The following ALK variants were observed in gnomAD, a reference collection of about 807,000 sequenced individuals.
The protein encoded by ALK is ALK receptor tyrosine kinase.
In ALK, 74 loss-of-function variants were observed where a neutral mutation model predicts 163.1. The ratio of observed to expected loss-of-function variants is 0.45; its 90% CI spans 0.38 to 0.55. The LOEUF (loss-of-function observed/expected upper bound fraction) is 0.55, where lower values mean the gene tolerates loss of function less well. ALK is among the 20% of genes least tolerant of loss of function. The pLI, the probability that ALK is intolerant of heterozygous loss-of-function variation, is 0.00. For missense variants in ALK, 2,063 were observed against 2,105.3 expected (o/e 0.98, Z 0.39); for synonymous variants, 960 against 843.2 (o/e 1.14, Z -2.40).
chr2:29,212,991 C>A (rs1311708805), intron 24 of ALK, among the ~76,000 whole-genome samples: 2 of 152,228 alleles, frequency 1.3e-5, no homozygotes, highest in Non-Finnish European at 2.9e-5. Flanking sequence ...AGGCATGATA[C>A]TTTTCTATTT....
At chr2:29,364,979 G>C (rs1175288544) in intron 5 of ALK, among the ~76,000 whole-genome samples, 2 of 152,172 alleles carry the variant, frequency 1.3e-5, no homozygotes, top group African/African-American at 4.8e-5. Context: ...TTGTCTCACT[G>C]AGTCTAAACC....
In ALK at chr2:29,334,525, G is replaced by T. The variant is rs190813238; in HGVS notation, c.1283-6044C>A. Among the ~76,000 whole-genome samples the T allele has an allele frequency of 1.3e-3, 200 of 152,268 alleles. 1 individual carries two copies. Among genetic ancestry groups the T allele is most frequent in the African/African-American group, 4.5e-3 (187 of 41,548 alleles). On this transcript the variant is annotated intron_variant, in intron 5 of 28. Coordinates refer to ENST00000389048, the MANE Select transcript of ALK (RefSeq NM_004304.5). ...AGGAGTGGTAATGGTGGGCATGGAAGGTCAGGCTGTCAGCATCCCTGCCCT... is the reference window on the plus strand; with the variant it reads ...AGGAGTGGTAATGGTGGGCATGGAATGTCAGGCTGTCAGCATCCCTGCCCT...
At chr2:29,713,256 C>T (rs2148303797) in intron 2 of ALK, among the ~76,000 whole-genome samples, 1 of 152,308 alleles carries the variant, frequency 6.6e-6, no homozygotes, top group South Asian at 2.1e-4. Context: ...AGTATGGTCT[C>T]ATTTTTATTT....
chr2:29,648,429 T>C (rs930895026), intron 3 of ALK, among the ~76,000 whole-genome samples: 2 of 152,152 alleles, frequency 1.3e-5, no homozygotes, highest in African/African-American at 4.8e-5. Flanking sequence ...TGTGCAACCA[T>C]TACCACCACC....
intron 1 of ALK, among the ~76,000 whole-genome samples, chr2:29,828,866 G>A (rs1427259867): frequency 6.6e-6 from 1 of 152,044 alleles, no homozygotes; most frequent in East Asian, 1.9e-4. Flanking sequence ...ACATGCACAT[G>A]TATGTTTATT....
At chr2:29,824,158 C>G (rs1188469070) in intron 1 of ALK, among the ~76,000 whole-genome samples, 3 of 152,208 alleles carry the variant, frequency 2.0e-5, no homozygotes, top group Non-Finnish European at 4.4e-5. Flanking sequence ...AGTGTTGAGC[C>G]TGCAGGTACA....
At chr2:29,228,391 G>A (rs1664077746) in intron 16 of ALK, among the ~76,000 whole-genome samples, 1 of 152,204 alleles carries the variant, frequency 6.6e-6, no homozygotes, top group Non-Finnish European at 1.5e-5. Context: ...ATGGGCAGCT[G>A]CTTGCTGAAG....
intron 8 of ALK, among the ~76,000 whole-genome samples, chr2:29,316,035 C>T: frequency 6.6e-6 from 1 of 152,246 alleles, no homozygotes; most frequent in Non-Finnish European, 1.5e-5. Context: ...CCTGAGTGAA[C>T]CTCACATAGT....
chr2:29,690,546 C>A (rs1573558493), intron 3 of ALK, among the ~76,000 whole-genome samples: 1 of 152,128 alleles, frequency 6.6e-6, no homozygotes, highest in Non-Finnish European at 1.5e-5. Context: ...TCCAAAACAC[C>A]GGAAGCAGTT....
chr2:29,299,283 AC>A (rs1223278102), intron 8 of ALK, among the ~76,000 whole-genome samples: 1 of 152,178 alleles, frequency 6.6e-6, no homozygotes, highest in Non-Finnish European at 1.5e-5. Context: ...CTCATCTGTG[AC>A]TTGGGCTCAA....
chr2:29,322,456 A>G (rs1265649557), intron 6 of ALK, among the ~76,000 whole-genome samples: 1 of 152,152 alleles, frequency 6.6e-6, no homozygotes, highest in Non-Finnish European at 1.5e-5. Flanking sequence ...TTCCCCCTCA[A>G]GGGATCCCAC....
rs939750594 is a variant in ALK at position 29,193,467 on chromosome 2, A to G, written c.4620T>C (p.Thr1540=). The change falls in exon 29 of 29, where the codon ACT becomes ACC. Residue 1540 remains threonine, a synonymous_variant. Transcript: ENST00000389048. ...TCCCAGTTGCAACGTTAGGTGGGACAGTACAGCTTCCCTCCAGCCCCAGGT... is the reference window on the plus strand; with the variant it reads ...TCCCAGTTGCAACGTTAGGTGGGACGGTACAGCTTCCCTCCAGCCCCAGGT... ...RGNLGLEGSC[T]VPPNVATGRL... 9 of 1,614,076 alleles carry G rather than the reference A, an allele frequency of 5.6e-6. No individual in the cohort carries two copies. Among genetic ancestry groups the G allele is most frequent in the Non-Finnish European group, 7.6e-6 (9 of 1,180,034 alleles).
intron 4 of ALK, among the ~76,000 whole-genome samples, chr2:29,506,123 C>T (rs72794475): frequency 4.6e-5 from 7 of 152,058 alleles, no homozygotes; most frequent in African/African-American, 1.7e-4. Flanking sequence ...AGAGGCTCTA[C>T]GTAAGTCTCT....
chr2:29,228,789 A>C (rs1664090728), intron 16 of ALK, 95 bp downstream of exon 16: 1 of 822,072 alleles, frequency 1.2e-6, no homozygotes, highest in Non-Finnish European at 2.1e-6. Context: ...ACACTTGGGC[A>C]GGCCAGGGGA....
intron 12 of ALK, among the ~76,000 whole-genome samples, chr2:29,247,691 G>A (rs1212428642): frequency 6.6e-6 from 1 of 152,156 alleles, no homozygotes; most frequent in African/African-American, 2.4e-5. Context: ...AGGCAATGGT[G>A]GCCCCCCCTT....
At chr2:29,444,714 T>A (rs1285575727) in intron 4 of ALK, among the ~76,000 whole-genome samples, 1 of 152,250 alleles carries the variant, frequency 6.6e-6, no homozygotes, top group Admixed American at 6.5e-5. Context: ...AAGTTCATTT[T>A]TTTCTTCTGA....
chr2:29,558,323 C>T (rs1214552958), intron 3 of ALK, among the ~76,000 whole-genome samples: 1 of 152,184 alleles, frequency 6.6e-6, no homozygotes, highest in East Asian at 1.9e-4. Flanking sequence ...AGGGTTAGGC[C>T]TTGGCCCAGT....
At chr2:29,876,705 G>A (rs1341438765) in intron 1 of ALK, among the ~76,000 whole-genome samples, 1 of 143,156 alleles carries the variant, frequency 7.0e-6, no homozygotes, top group Non-Finnish European at 1.5e-5. Context: ...GGTAGTGATG[G>A]TGATGGTGGT....
intron 1 of ALK, among the ~76,000 whole-genome samples, chr2:29,852,856 C>A (rs1315302357): frequency 1.3e-5 from 2 of 151,692 alleles, no homozygotes; most frequent in Non-Finnish European, 2.9e-5. Context: ...CTCTCTCTCT[C>A]TCTCTCTCTC....
Sources: allele counts gnomAD v4.1 joint callset (sites outside exome capture counted in the v4.1 genomes callset), GRCh38; gene constraint gnomAD v4.1.1; transcripts MANE v1.5; gene names NCBI Gene and HGNC (gene_info 2026-07-23, HGNC 2026-07-21).